TP63: variants seen among roughly 807,000 people sequenced by gnomAD.
The protein encoded by TP63 is tumor protein 63.
A neutral mutation model predicts 82.8 loss-of-function variants in TP63; 17 were observed. That is an observed-to-expected ratio of 0.21 (90% CI 0.14 to 0.31). The LOEUF (loss-of-function observed/expected upper bound fraction) is 0.31. TP63 is among the 10% of genes least tolerant of loss of function. The pLI is 1.00. For missense variants in TP63, 648 were observed against 895.3 expected, an observed-to-expected ratio of 0.72 and a Z score of 3.52; for synonymous variants, 330 against 321.7, an observed-to-expected ratio of 1.03 and a Z score of -0.28.
chr3:189,685,474 C>A (rs1202990624), intron 1 of TP63, among the ~76,000 whole-genome samples: 2 of 152,056 alleles, frequency 1.3e-5, no homozygotes, highest in Admixed American at 6.6e-5. Context: ...TCTCTAAGGC[C>A]CAGTCAAGAT....
intron 4 of TP63, among the ~76,000 whole-genome samples, chr3:189,856,427 T>C (rs12107107): frequency 0.26 from 40,164 of 151,686 alleles, 5,612 homozygotes; most frequent in Middle Eastern, 0.35. Flanking sequence ...GAATTAAATG[T>C]TTATATTAGA....
chr3:189,612,260 ATGT>A, the TP63 span, among the ~76,000 whole-genome samples: 44,859 of 151,862 alleles, frequency 0.3, 7,521 homozygotes, highest in Middle Eastern at 0.48. Flanking sequence ...GAATTCCCAC[ATGT>A]TGTGGGAAGC....
chr3:189,851,416 G>GA (rs922210184), intron 4 of TP63, among the ~76,000 whole-genome samples: 10 of 151,220 alleles, frequency 6.6e-5, no homozygotes, highest in Non-Finnish European at 8.9e-5. Context: ...AAGAAAAATA[G>GA]AAAAAAAAAT....
intron 3 of TP63, among the ~76,000 whole-genome samples, chr3:189,793,248 A>G (rs1219252334): frequency 6.6e-6 from 1 of 152,034 alleles, no homozygotes; most frequent in African/African-American, 2.4e-5. Flanking sequence ...GAGACAATAA[A>G]TCACTTATCC....
intron 3 of TP63, among the ~76,000 whole-genome samples, chr3:189,789,321 G>A (rs1196675123): frequency 6.6e-6 from 1 of 152,036 alleles, no homozygotes; most frequent in African/African-American, 2.4e-5. Context: ...GTTACAAAGA[G>A]TAAAATAACT....
chr3:189,883,937 G>GAA lies in TP63; in HGVS notation c.1350-2446_1350-2445dup, dbSNP rs34401568. 2.8e-3 allele frequency among the ~76,000 whole-genome samples: 410 copies of GAA among 143,992 alleles called. 2 individuals carry two copies. The highest frequency in any genetic ancestry group is 9.0e-3 in the African/African-American group (349 of 38,622). The allele number at this position is 143,992 out of a possible 152,430, so 94.5% of individuals were successfully genotyped here. A position where few individuals can be genotyped will look rare whatever the true frequency, so the allele number is the denominator to read the frequency against. ...AGAAGGAATTTACTCTGAGCGTCCAGAAAAAAAAAAAAGCAAAACTTTTAA... is the reference window on the plus strand; with the variant it reads ...AGAAGGAATTTACTCTGAGCGTCCAGAAAAAAAAAAAAAAGCAAAACTTTTAA... On this transcript the variant is annotated intron_variant, in intron 10 of 13. Coordinates refer to ENST00000264731, the MANE Select transcript of TP63 (RefSeq NM_003722.5).
chr3:189,863,269 G>T (rs73199780), intron 4 of TP63, among the ~76,000 whole-genome samples: 213 of 152,348 alleles, frequency 1.4e-3, no homozygotes, highest in Middle Eastern at 3.4e-3. Context: ...TGAGCAAAGT[G>T]CCTGAGTGGC....
At chr3:189,746,201 T>G (rs1721362402) in intron 3 of TP63, among the ~76,000 whole-genome samples, 1 of 151,354 alleles carries the variant, frequency 6.6e-6, no homozygotes, top group South Asian at 2.1e-4. Context: ...GAGACCCCCA[T>G]CAGACAAAGA....
chr3:189,721,358 C>T (rs1719378173), intron 1 of TP63, among the ~76,000 whole-genome samples: 1 of 152,002 alleles, frequency 6.6e-6, no homozygotes, highest in Admixed American at 6.6e-5. Context: ...TCTAGTAATA[C>T]AATAACCTTC....
At chr3:189,705,657 A>G (rs1323895259) in intron 1 of TP63, among the ~76,000 whole-genome samples, 1 of 152,000 alleles carries the variant, frequency 6.6e-6, no homozygotes, top group Non-Finnish European at 1.5e-5. Flanking sequence ...CATATTTATT[A>G]TAATATATAC....
intron 3 of TP63, among the ~76,000 whole-genome samples, chr3:189,743,833 G>C (rs1721175268): frequency 6.6e-6 from 1 of 152,090 alleles, no homozygotes; most frequent in South Asian, 2.1e-4. Context: ...GTTGGGCAAG[G>C]GTAAGTGGGA....
chr3:189,871,547 T>C (rs946592196), intron 9 of TP63, among the ~76,000 whole-genome samples: 1 of 152,116 alleles, frequency 6.6e-6, no homozygotes, highest in African/African-American at 2.4e-5. Context: ...GGAGAACATT[T>C]TTCATTTCTG....
chr3:189,895,734 A>G lies in TP63; in HGVS notation c.*1232A>G, dbSNP rs1232529219. The G allele has an allele frequency of 8.8e-6, 2 of 227,940 alleles. No individual in the cohort carries two copies. Among genetic ancestry groups the G allele is most frequent in the African/African-American group, 2.2e-5 (1 of 44,530 alleles). The allele number at this position is 227,940 out of a possible 1,614,324, so 14.1% of individuals were successfully genotyped here. A position where few individuals can be genotyped will look rare whatever the true frequency, so the allele number is the denominator to read the frequency against. On this transcript the variant is annotated 3_prime_UTR_variant, in exon 14 of 14. Coordinates refer to ENST00000264731, the MANE Select transcript of TP63 (RefSeq NM_003722.5). ...AAATGTTTCTTTTAAAGACCCTCCTATTCTATAAAACTCTGCATGTAGAGG... is the reference window on the plus strand; with the variant it reads ...AAATGTTTCTTTTAAAGACCCTCCTGTTCTATAAAACTCTGCATGTAGAGG...
At position 189,894,371 on chromosome 3, in the gene TP63, G is replaced by A. The variant is rs1267295503; in HGVS notation, c.1912G>A (p.Val638Ile). The A allele has an allele frequency of 5.6e-6, 9 of 1,613,884 alleles. No individual in the cohort carries two copies. The African/African-American group carries it at 1.1e-4, about 19-fold the overall frequency. ...VGSSETRGER[V>I]IDAVRFTLRQ... ...CTCCAGTGAGACCCGGGGTGAGCGTGTTATTGATGCTGTGCGATTCACCCT... is the reference window on the plus strand; with the variant it reads ...CTCCAGTGAGACCCGGGGTGAGCGTATTATTGATGCTGTGCGATTCACCCT... Residue 638 changes from valine (V) to isoleucine (I), a missense_variant, in exon 14 of 14, where the codon GTT (valine) becomes ATT (isoleucine). Val to Ile is a conservative substitution (Grantham distance 29, BLOSUM62 3). This residue lies in a region of TP63 where 342 missense variants were observed against 425.7 expected (regional missense o/e 0.80). Transcript: ENST00000264731.
the TP63 span, among the ~76,000 whole-genome samples, chr3:189,614,408 A>C: frequency 6.6e-6 from 1 of 152,200 alleles, no homozygotes; most frequent in Non-Finnish European, 1.5e-5. Context: ...TCTAAGTCCA[A>C]TTAAACCTCC....
At chr3:189,659,987 T>A (rs1158234133) in intron 1 of TP63, among the ~76,000 whole-genome samples, 1 of 152,110 alleles carries the variant, frequency 6.6e-6, no homozygotes, top group East Asian at 1.9e-4. Context: ...GAATATTTTC[T>A]CCCATTATGT....
chr3:189,828,615 A>G (rs1173093290), intron 4 of TP63, among the ~76,000 whole-genome samples: 3 of 152,200 alleles, frequency 2.0e-5, no homozygotes, highest in East Asian at 1.9e-4. Flanking sequence ...TATATTCTCT[A>G]TGTCTCTGCC....
At chr3:189,716,943 C>T (rs1012459782) in intron 1 of TP63, among the ~76,000 whole-genome samples, 4 of 152,012 alleles carry the variant, frequency 2.6e-5, no homozygotes, top group Non-Finnish European at 5.9e-5. Flanking sequence ...GGACTACAGG[C>T]GATTGCCACC....
In TP63 at chr3:189,894,534, C is replaced by G; in HGVS notation, c.*32C>G. ...CCATGTGAGCTCTTCCTATCCCTCT[C>G]CTAACTGCCAGCCCCCTAAAAGCAC... On this transcript the variant is annotated 3_prime_UTR_variant, in exon 14 of 14. Transcript: ENST00000264731. 1 of 1,610,316 alleles carries G rather than the reference C, an allele frequency of 6.2e-7. No individual in the cohort carries two copies.
Sources: allele counts gnomAD v4.1 joint callset (sites outside exome capture counted in the v4.1 genomes callset), GRCh38; gene constraint gnomAD v4.1.1; regional missense constraint gnomAD v4.1.1; transcripts MANE v1.5; gene names NCBI Gene and HGNC (gene_info 2026-07-23, HGNC 2026-07-21).